The following PCNX3 variants were observed in gnomAD, a reference collection of about 807,000 sequenced individuals.
PCNX3 encodes the protein pecanex-like protein 3.
PCNX3 carries 58 observed loss-of-function variants against 207.2 expected under a neutral mutation model. The ratio of observed to expected loss-of-function variants is 0.28; its 90% CI spans 0.23 to 0.35. The LOEUF (loss-of-function observed/expected upper bound fraction) is 0.35, where lower values mean the gene tolerates loss of function less well. Ranked by LOEUF, PCNX3 falls within the 10% of genes least tolerant of loss-of-function variation. The probability of loss-of-function intolerance (pLI) is 1.00; values close to 1 mark genes in which losing one functional copy is unlikely to be tolerated. For synonymous variants in PCNX3, 1,337 were observed against 1,183.5 expected (o/e 1.13, Z -2.66); for missense variants, 2,410 against 2,774.4 (o/e 0.87, Z 2.95).
intron 8 of PCNX3, among the ~76,000 whole-genome samples, 152 bp downstream of exon 8, chr11:65,620,084 C>G (rs888639315): frequency 6.6e-6 from 1 of 152,342 alleles, no homozygotes; most frequent in Non-Finnish European, 1.5e-5. Flanking sequence ...GGCACGGTGT[C>G]TCTGTCATCT....
In PCNX3 at chr11:65,625,131, T is replaced by A; in HGVS notation, c.2920-40T>A. 1 of 1,568,950 alleles carries A rather than the reference T, an allele frequency of 6.4e-7. No homozygotes were observed. Among genetic ancestry groups the A allele is most frequent in the Non-Finnish European group, 8.7e-7 (1 of 1,150,288 alleles). On this transcript the variant is annotated intron_variant, in intron 16 of 34. Coordinates refer to ENST00000355703, the MANE Select transcript of PCNX3 (RefSeq NM_032223.4). This position sits in a 1 kb window ranked among gnomAD's most constrained non-coding sequence, Gnocchi z 5.6. ...CACGGGGGCAGCCCGGGCCCCATGC[T>A]TACCTCACCTCCCCTGACCAGCATG...
intron 9 of PCNX3, 134 bp from the exon 10 acceptor site, chr11:65,620,697 C>G (rs1024074574): frequency 7.9e-7 from 1 of 1,261,200 alleles, no homozygotes; most frequent in African/African-American, 1.5e-5. Flanking sequence ...CCACCTGACC[C>G]CAGCACTTGT....
Position 65,635,244 on chromosome 11 carries a change from T to C in PCNX3, c.4980T>C (p.Tyr1660=). Residue 1660 remains tyrosine, a synonymous_variant, in exon 31 of 35, where the codon TAT becomes TAC. Coordinates refer to ENST00000355703, the MANE Select transcript of PCNX3 (RefSeq NM_032223.4). This position sits in a 1 kb window ranked among gnomAD's most constrained non-coding sequence, Gnocchi z 9.9. ...HQDHFTSPDE[Y]EEPAALYDAI... is the part of the protein sequence containing the mutation. ...ACCACTTCACGTCCCCAGATGAATA[T>C]GAGGAGCCAGCAGCCCTATACGATG... 1 of 1,586,484 alleles carries C rather than the reference T, an allele frequency of 6.3e-7. No homozygotes were observed. The highest frequency in any genetic ancestry group is 8.6e-7 in the Non-Finnish European group (1 of 1,166,700).
In PCNX3 at chr11:65,636,765, G is replaced by A; in HGVS notation, c.5893-1G>A. 1.3e-6 allele frequency: 2 copies of A among 1,506,014 alleles called. No individual in the cohort carries two copies. The highest frequency in any genetic ancestry group is 4.6e-5 in the Admixed American group (2 of 43,644). 93.3% of individuals were successfully genotyped at this position (1,506,014 alleles called of 1,614,324 possible). ...CCGCCAACCTCTCCCCCCTCCCCCA[G>A]GCGCCTCTAGACCTCAGCCTCAGCC... On this transcript the variant is annotated splice_acceptor_variant, in intron 34 of 34. Coordinates refer to ENST00000355703, the MANE Select transcript of PCNX3 (RefSeq NM_032223.4). LOFTEE classifies it high-confidence loss of function.
Position 65,629,733 on chromosome 11 carries a change from G to A in PCNX3, c.4214G>A (p.Arg1405Gln), listed in dbSNP as rs1410798072. The A allele has an allele frequency of 4.5e-6, 7 of 1,549,628 alleles. No individual in the cohort carries two copies. Among genetic ancestry groups the A allele is most frequent in the East Asian group, 4.9e-5 (2 of 40,954 alleles). The change falls in exon 26 of 35, where the codon CGG (arginine) becomes CAG (glutamine). Residue 1405 changes from arginine (R) to glutamine (Q), a missense_variant and splice_region_variant. Physicochemically the swap from Arg to Gln is conservative, Grantham distance 43. Around this residue, in one of 8 missense-constraint regions of PCNX3, gnomAD observed 420 missense variants for 705.3 expected, o/e 0.60. Transcript: ENST00000355703. Reference protein sequence around the residue: ...VTFQLRGLEFRGTYCQQREVE... With the variant: ...VTFQLRGLEFQGTYCQQREVE... ...TTCCAGCTGCGTGGCCTTGAGTTCCGGGGTGAGCCGCAGGACCAGGCTCGG... is the reference window on the plus strand; with the variant it reads ...TTCCAGCTGCGTGGCCTTGAGTTCCAGGGTGAGCCGCAGGACCAGGCTCGG...
chr11:65,636,233 G>T lies in PCNX3; in HGVS notation c.5519G>T (p.Cys1840Phe), dbSNP rs753703666. The change falls in exon 33 of 35, where the codon TGT (cysteine) becomes TTT (phenylalanine). Residue 1840 changes from cysteine (C) to phenylalanine (F), a missense_variant. Transcript: ENST00000355703. ...NSGGNVDDSD[C>F]SGGGGLTSLS... ...GGCGGGAACGTGGATGATTCAGACT[G>T]TAGTGGGGGCGGTGGCCTGACCTCC... The T allele has an allele frequency of 1.3e-6, 2 of 1,583,430 alleles. No individual in the cohort carries two copies. Among genetic ancestry groups the T allele is most frequent in the East Asian group, 4.6e-5 (2 of 43,232 alleles).
intron 20 of PCNX3, 197 bp from the exon 21 acceptor site, chr11:65,626,707 C>T (rs1855408079): frequency 5.9e-6 from 4 of 676,820 alleles, no homozygotes; most frequent in African/African-American, 3.6e-5. Flanking sequence ...ATAAAGCAAG[C>T]CTCGATGTGC....
Position 65,625,917 on chromosome 11 carries a change from TCGTGTTGTA to T in PCNX3, c.3245_3253del (p.Val1082_Tyr1084del), listed in dbSNP as rs1186194187. The T allele has an allele frequency of 6.2e-7, 1 of 1,613,628 alleles. No homozygotes were observed. Among genetic ancestry groups the T allele is most frequent in the Non-Finnish European group, 8.5e-7 (1 of 1,179,700 alleles). On this transcript the variant is annotated inframe_deletion, in exon 20 of 35. Coordinates refer to ENST00000355703, the MANE Select transcript of PCNX3 (RefSeq NM_032223.4). This position sits in a 1 kb window ranked among gnomAD's most constrained non-coding sequence, Gnocchi z 5.6. The stretch of plus-strand genomic sequence containing the variant: ...TCCCTCCTGCAGTCGGTGCTGGGTT[TCGTGTTGTA>T]CGCACTGGCTGGGGCCGTGGGCTTC...
At position 65,629,732 on chromosome 11, in the gene PCNX3, C is replaced by T. The variant is rs1287661619; in HGVS notation, c.4213C>T (p.Arg1405Trp). ...CTTCCAGCTGCGTGGCCTTGAGTTC[C>T]GGGGTGAGCCGCAGGACCAGGCTCG... ...VTFQLRGLEF[R>W]GTYCQQREVE... is the part of the protein sequence containing the mutation. Residue 1405 changes from arginine (R) to tryptophan (W), a missense_variant, in exon 26 of 35, where the codon CGG (arginine) becomes TGG (tryptophan). Around this residue, in one of 8 missense-constraint regions of PCNX3, gnomAD observed 420 missense variants for 705.3 expected, o/e 0.60. Coordinates refer to ENST00000355703, the MANE Select transcript of PCNX3 (RefSeq NM_032223.4). 3.2e-6 allele frequency: 5 copies of T among 1,549,620 alleles called. No homozygotes were observed. The highest frequency in any genetic ancestry group is 1.4e-5 in the African/African-American group (1 of 73,006).
At chr11:65,616,511 A>G (rs771986401) in intron 1 of PCNX3, 47 bp downstream of exon 1, 1 of 1,562,976 alleles carries the variant, frequency 6.4e-7, no homozygotes. Context: ...GAGGGAGGGC[A>G]GCCTGGCAGG....
At chr11:65,620,779 C>T (rs946108374) in intron 9 of PCNX3, 52 bp from the exon 10 acceptor site, 22 of 1,571,086 alleles carry the variant, frequency 1.4e-5, no homozygotes, top group Admixed American at 1.8e-5. Context: ...TCGACCCCAC[C>T]CAGCCCCAGG....
At chr11:65,619,716 G>T (rs1360081924) in intron 7 of PCNX3, 38 bp from the exon 8 acceptor site, 7 of 1,562,236 alleles carry the variant, frequency 4.5e-6, no homozygotes, top group Non-Finnish European at 6.0e-6. Flanking sequence ...GGGCCCGCAA[G>T]CTCTAGCTGG....
intron 2 of PCNX3, 31 bp downstream of exon 2, chr11:65,617,042 G>C (rs1363296583): frequency 6.4e-7 from 1 of 1,567,526 alleles, no homozygotes; most frequent in Non-Finnish European, 8.7e-7. Flanking sequence ...GCTGGGGATT[G>C]AGGGTTTTTG....
chr11:65,619,969 C>A, intron 8 of PCNX3, 37 bp downstream of exon 8: 1 of 1,556,520 alleles, frequency 6.4e-7, no homozygotes, highest in East Asian at 2.3e-5. Context: ...CAGTGCCTCC[C>A]CGCCTTCCCC....
At position 65,636,300 on chromosome 11, in the gene PCNX3, C is replaced by A. The variant is rs767861431; in HGVS notation, c.5586C>A (p.Asn1862Lys). 2 of 1,610,960 alleles carry A rather than the reference C, an allele frequency of 1.2e-6. No homozygotes were observed. The highest frequency in any genetic ancestry group is 8.5e-7 in the Non-Finnish European group (1 of 1,178,616). The change falls in exon 33 of 35, where the codon AAC becomes AAA. Residue 1862 changes from asparagine (N) to lysine (K), a missense_variant. Coordinates refer to ENST00000355703, the MANE Select transcript of PCNX3 (RefSeq NM_032223.4). The part of the protein sequence containing the change: ...NPPVAHPTPE[N>K]TAGNGDQPLP... Reference sequence around the variant, plus strand: ...CCGTGGCACACCCCACACCTGAGAACACGGCAGGTGAGCAGGCGAGGCTGG... The same window carrying A: ...CCGTGGCACACCCCACACCTGAGAAAACGGCAGGTGAGCAGGCGAGGCTGG...
chr11:65,621,361 A>G (rs1205365237), intron 10 of PCNX3, among the ~76,000 whole-genome samples: 1 of 152,254 alleles, frequency 6.6e-6, no homozygotes, highest in East Asian at 1.9e-4. Flanking sequence ...CTCTGTTAAC[A>G]CTTCCTGTCT....
rs200591552 is a variant in PCNX3, at chr11:65,629,641, C to T, written c.4122C>T (p.Phe1374=). The T allele has an allele frequency of 1.1e-5, 17 of 1,601,202 alleles. No homozygotes were observed. Among genetic ancestry groups the T allele is most frequent in the East Asian group, 4.5e-5 (2 of 44,318 alleles). Residue 1374 remains phenylalanine, a synonymous_variant, in exon 26 of 35, where the codon TTC becomes TTT. Coordinates refer to ENST00000355703, the MANE Select transcript of PCNX3 (RefSeq NM_032223.4). ...GCAACTATGGCCCTGGTGACTGCTT[C>T]GTCCTGGCCTCTGACTACCTCAACG... ...RWGNYGPGDC[F]VLASDYLNAL... is the part of the protein sequence containing the mutation.
rs1250531139 is a variant in PCNX3 at position 65,623,653 on chromosome 11, G to A, written c.2511+9G>A. On this transcript the variant is annotated intron_variant, in intron 12 of 34. Coordinates refer to ENST00000355703, the MANE Select transcript of PCNX3 (RefSeq NM_032223.4). The stretch of plus-strand genomic sequence containing the variant: ...AGTACTCCTTGCTGAAGGTCAGGCC[G>A]GGCTCTCTGTGTTTCCTTCCCCACC... The A allele has an allele frequency of 3.7e-6, 6 of 1,609,266 alleles. No individual in the cohort carries two copies. The highest frequency in any genetic ancestry group is 2.2e-5 in the South Asian group (2 of 90,352).
intron 5 of PCNX3, 65 bp from the exon 6 acceptor site, chr11:65,617,875 C>G (rs1450270477): frequency 1.3e-6 from 2 of 1,487,846 alleles, no homozygotes; most frequent in Non-Finnish European, 1.8e-6. Flanking sequence ...TAAGACCTCC[C>G]TTAACCACTA....
Sources: gnomAD v4.1 joint callset for allele counts (sites outside exome capture counted in the v4.1 genomes callset) on GRCh38, gnomAD v4.1.1 for gene constraint, gnomAD v4.1.1 regional missense constraint, Gnocchi (gnomAD v3.1) non-coding constraint, MANE v1.5 for transcripts, NCBI Gene and HGNC (gene_info 2026-07-23, HGNC 2026-07-21) for gene names.